Variants in PLCL2 observed in about 807,000 individuals in gnomAD.
The protein encoded by PLCL2 is phospholipase C like 2, also known as inactive phospholipase C-like protein 2.
A neutral mutation model predicts 79.6 loss-of-function variants in PLCL2; 4 were observed. That is an observed-to-expected ratio of 0.05 (90% confidence interval 0.02 to 0.11). The LOEUF (loss-of-function observed/expected upper bound fraction) is 0.11, where lower values mean the gene tolerates loss of function less well. Ranked by LOEUF, PLCL2 falls within the 10% of genes least tolerant of loss-of-function variation. The pLI is 1.00. For missense variants in PLCL2, 895 were observed against 1,291.0 expected (o/e 0.69, Z 4.70); for synonymous variants, 484 against 457.7 (o/e 1.06, Z -0.73).
At chr3:16,984,936 A>AC (rs2064033965) in intron 1 of PLCL2, among the ~76,000 whole-genome samples, 1 of 152,090 alleles carries the variant, frequency 6.6e-6, no homozygotes, top group African/African-American at 2.4e-5. Flanking sequence ...CGTCTTAAAA[A>AC]AAAAAGTCCC....
rs566966525 is a variant in PLCL2, at chr3:17,058,060, G to A, written c.3095-9896G>A. ...AGTGCAGGAGTGAGTGCGCACTGCC[G>A]TAGAGCCCTGATCACACAGAGGAGG... On this transcript the variant is annotated intron_variant, in intron 4 of 5. Transcript: ENST00000615277. 9.9e-5 allele frequency among the ~76,000 whole-genome samples: 15 copies of A among 152,266 alleles called. No homozygotes were observed. The South Asian group carries it at 2.5e-3, about 25-fold the overall frequency.
At chr3:16,890,511 A>T (rs1251415730) in intron 1 of PLCL2, among the ~76,000 whole-genome samples, 5 of 152,232 alleles carry the variant, frequency 3.3e-5, no homozygotes, top group African/African-American at 1.2e-4. Flanking sequence ...CTAAATGCAG[A>T]TATAAATGAA....
intron 5 of PLCL2, among the ~76,000 whole-genome samples, chr3:17,082,878 A>G (rs2065178275): frequency 6.6e-6 from 1 of 152,156 alleles, no homozygotes; most frequent in Non-Finnish European, 1.5e-5. Context: ...TATTTGTAAT[A>G]TATATATAAT....
chr3:17,006,017 C>CA (rs2064256713), intron 1 of PLCL2, among the ~76,000 whole-genome samples: 1 of 152,180 alleles, frequency 6.6e-6, no homozygotes, highest in South Asian at 2.1e-4. Context: ...CAGAAACCTG[C>CA]ATTTTTTCCT....
At chr3:17,005,669 G>A (rs779742531) in intron 1 of PLCL2, among the ~76,000 whole-genome samples, 3 of 151,968 alleles carry the variant, frequency 2.0e-5, no homozygotes, top group South Asian at 4.1e-4. Flanking sequence ...AATCATTCCC[G>A]GTATGAAATT....
rs1479127517 is a variant in PLCL2 at position 17,011,905 on chromosome 3, G to A, written c.2559G>A (p.Gln853=). Residue 853 remains glutamine, a synonymous_variant, in exon 2 of 6, where the codon CAG becomes CAA. Coordinates refer to ENST00000615277, the MANE Select transcript of PLCL2 (RefSeq NM_001144382.2). This position sits in a 1 kb window ranked among gnomAD's most constrained non-coding sequence, Gnocchi z 7.9. ...ACACAATTCCCTTTGAATGTTTACAGACGGGCTACCGCCATGTCCCCCTGC... is the reference window on the plus strand; with the variant it reads ...ACACAATTCCCTTTGAATGTTTACAAACGGGCTACCGCCATGTCCCCCTGC... The part of the protein sequence containing the change: ...GQYTIPFECL[Q]TGYRHVPLQS... 2 of 1,614,100 alleles carry A rather than the reference G, an allele frequency of 1.2e-6. No individual in the cohort carries two copies. Among genetic ancestry groups the A allele is most frequent in the African/African-American group, 2.7e-5 (2 of 74,942 alleles).
At chr3:17,002,089 A>T (rs1349087637) in intron 1 of PLCL2, among the ~76,000 whole-genome samples, 2 of 151,918 alleles carry the variant, frequency 1.3e-5, no homozygotes, top group African/African-American at 4.8e-5. Context: ...ATTCCTATTT[A>T]TTTTTATAAC....
In PLCL2 at chr3:16,957,759, A is replaced by G. The variant is rs2063720005; in HGVS notation, c.328-51915A>G. On this transcript the variant is annotated intron_variant, in intron 1 of 5. Coordinates refer to ENST00000615277, the MANE Select transcript of PLCL2 (RefSeq NM_001144382.2). ...TTAGGATAGTTAGCTCTTCTTGTTG[A>G]ATTGATCCCTTTACCATTATGTAAT... Among the ~76,000 whole-genome samples, 4 of 152,058 alleles carry G rather than the reference A, an allele frequency of 2.6e-5. No individual in the cohort carries two copies. In the South Asian group the frequency reaches 8.3e-4, roughly 32 times the overall value.
intron 1 of PLCL2, among the ~76,000 whole-genome samples, chr3:16,912,174 A>G (rs1233888131): frequency 6.6e-6 from 1 of 152,212 alleles, no homozygotes; most frequent in Non-Finnish European, 1.5e-5. Context: ...TGCAACCATT[A>G]AATTATTTTT....
Position 16,913,326 on chromosome 3 carries a change from T to G in PLCL2, c.327+27960T>G, listed in dbSNP as rs182317402. 1.9e-3 allele frequency among the ~76,000 whole-genome samples: 289 copies of G among 151,764 alleles called. 1 individual carries two copies. The highest frequency in any genetic ancestry group is 6.6e-3 in the African/African-American group (271 of 41,354). On this transcript the variant is annotated intron_variant, in intron 1 of 5. Coordinates refer to ENST00000615277, the MANE Select transcript of PLCL2 (RefSeq NM_001144382.2). ...TCCTCTAGGGACTTTTCTTACCCAT[T>G]CGCTGGAAATTTGGTTGTAGGTGTG...
chr3:16,928,609 T>C (rs544825720), intron 1 of PLCL2, among the ~76,000 whole-genome samples: 103 of 152,334 alleles, frequency 6.8e-4, no homozygotes, highest in African/African-American at 2.4e-3. Flanking sequence ...GCCTGGGCTC[T>C]GGAGCTGAGC....
chr3:16,896,087 A>G (rs928265474), intron 1 of PLCL2, among the ~76,000 whole-genome samples: 2 of 152,236 alleles, frequency 1.3e-5, no homozygotes, highest in African/African-American at 2.4e-5. Flanking sequence ...CTGGAAGTCT[A>G]TCATACTGCA....
At chr3:16,902,835 A>T (rs1696656135) in intron 1 of PLCL2, among the ~76,000 whole-genome samples, 1 of 138,842 alleles carries the variant, frequency 7.2e-6, no homozygotes, top group East Asian at 2.2e-4. Flanking sequence ...TCAAAAAAAA[A>T]AAAAAAAAAA....
intron 1 of PLCL2, among the ~76,000 whole-genome samples, chr3:16,948,185 A>T (rs2063618898): frequency 6.6e-6 from 1 of 152,242 alleles, no homozygotes; most frequent in Non-Finnish European, 1.5e-5. Flanking sequence ...TGGCAATAAG[A>T]AGAAATGAAG....
rs1696632995 is a variant in PLCL2 at position 16,902,110 on chromosome 3, A to G, written c.327+16744A>G. On this transcript the variant is annotated intron_variant, in intron 1 of 5. Transcript: ENST00000615277. ...CTAGCATGCCCCCAGCCATCTCACTACAATGTATTCACATCCAACCTTCCC... is the reference window on the plus strand; with the variant it reads ...CTAGCATGCCCCCAGCCATCTCACTGCAATGTATTCACATCCAACCTTCCC... Among the ~76,000 whole-genome samples, 3 of 152,224 alleles carry G rather than the reference A, an allele frequency of 2.0e-5. No homozygotes were observed. In the South Asian group the frequency reaches 6.2e-4, roughly 32 times the overall value.
intron 1 of PLCL2, among the ~76,000 whole-genome samples, chr3:16,960,235 C>T (rs59737477): frequency 0.11 from 16,858 of 152,156 alleles, 1,538 homozygotes; most frequent in East Asian, 0.48. Context: ...ATCAAGAAGC[C>T]TCACATAAAT....
chr3:17,089,994 A>G lies in PLCL2; in HGVS notation c.*82A>G, dbSNP rs1410671482. Reference sequence around the variant, plus strand: ...ATGGGACATTTGCTTTGCACTCACTAATGAGAATAATATTCGGGATTTTAA... The same window carrying G: ...ATGGGACATTTGCTTTGCACTCACTGATGAGAATAATATTCGGGATTTTAA... On this transcript the variant is annotated 3_prime_UTR_variant, in exon 6 of 6. Transcript: ENST00000615277. 1.4e-6 allele frequency: 2 copies of G among 1,464,312 alleles called. No individual in the cohort carries two copies. Among genetic ancestry groups the G allele is most frequent in the Admixed American group, 2.7e-5 (1 of 37,086 alleles). The allele number at this position is 1,464,312 out of a possible 1,614,324, so 90.7% of individuals were successfully genotyped here.
intron 1 of PLCL2, among the ~76,000 whole-genome samples, chr3:16,912,234 AG>A (rs1457945977): frequency 2.6e-5 from 4 of 151,672 alleles, no homozygotes; most frequent in Non-Finnish European, 4.4e-5. Context: ...ACTTCACGTC[AG>A]TTTTTTTTTT....
At chr3:16,930,951 T>A (rs555443285) in intron 1 of PLCL2, among the ~76,000 whole-genome samples, 26 of 152,294 alleles carry the variant, frequency 1.7e-4, no homozygotes, top group Non-Finnish European at 2.8e-4. Context: ...ATTCTAGGCA[T>A]GTCAGTCTTC....
Sources: allele counts gnomAD v4.1 joint callset (sites outside exome capture counted in the v4.1 genomes callset), GRCh38; gene constraint gnomAD v4.1.1; non-coding constraint Gnocchi (gnomAD v3.1); transcripts MANE v1.5; gene names NCBI Gene and HGNC (gene_info 2026-07-23, HGNC 2026-07-21).